Variants in DAB1 observed in about 807,000 individuals in gnomAD.
DAB1 encodes DAB adaptor protein 1.
DAB1 carries 15 observed loss-of-function variants against 64.6 expected under a neutral mutation model. The observed-to-expected ratio is 0.23, with a 90% CI of 0.16 to 0.36. The LOEUF is 0.36. Ranked by LOEUF, DAB1 falls within the 10% of genes least tolerant of loss-of-function variation. The pLI, the probability that DAB1 is intolerant of heterozygous loss-of-function variation, is 1.00. For missense variants in DAB1, 596 were observed against 706.7 expected, an observed-to-expected ratio of 0.84 and a Z score of 1.78; for synonymous variants, 235 against 251.9, an observed-to-expected ratio of 0.93 and a Z score of 0.64.
At chr1:57,135,060 A>G (rs1212555519) in intron 4 of DAB1, among the ~76,000 whole-genome samples, 1 of 152,232 alleles carries the variant, frequency 6.6e-6, no homozygotes, top group African/African-American at 2.4e-5. Context: ...GAGGTACTCA[A>G]TAATGCGAGT....
At chr1:57,762,153 T>C (rs569144888) in intron 6 of DAB1, among the ~76,000 whole-genome samples, 13 of 152,308 alleles carry the variant, frequency 8.5e-5, no homozygotes, top group Admixed American at 7.8e-4. Context: ...CAAATGAATT[T>C]TAAAAAGTAA....
intron 2 of DAB1, among the ~76,000 whole-genome samples, chr1:57,167,083 G>T (rs1027482658): frequency 1.3e-5 from 2 of 152,132 alleles, no homozygotes; most frequent in Non-Finnish European, 2.9e-5. Context: ...AATTCACTCT[G>T]GTTGAAGTGA....
rs534855241 is a variant in DAB1 at position 57,691,589 on chromosome 1, T to C, written n.552-41924A>G. Among the ~76,000 whole-genome samples, 6 of 152,264 alleles carry C rather than the reference T, an allele frequency of 3.9e-5. No individual in the cohort carries two copies. The East Asian group carries it at 1.2e-3, about 29-fold the overall frequency. On this transcript the variant is annotated intron_variant and non_coding_transcript_variant, in intron 6 of 20. Transcript: ENST00000485760. ...CTGTAACATTCACTGTGAAGGTCTGTGGCTTCATTCTTCAAGTCAGTGAGA... is the reference window on the plus strand; with the variant it reads ...CTGTAACATTCACTGTGAAGGTCTGCGGCTTCATTCTTCAAGTCAGTGAGA...
At chr1:57,502,507 T>G (rs1420215816) in intron 7 of DAB1, among the ~76,000 whole-genome samples, 1 of 152,134 alleles carries the variant, frequency 6.6e-6, no homozygotes, top group Admixed American at 6.5e-5. Context: ...TTACCCTTAT[T>G]TATTTGTTTG....
At chr1:57,201,218 T>C (rs1665071530) in intron 2 of DAB1, among the ~76,000 whole-genome samples, 1 of 151,988 alleles carries the variant, frequency 6.6e-6, no homozygotes, top group Admixed American at 6.6e-5. Flanking sequence ...TCCTGGCACA[T>C]AGTAGGCAGC....
chr1:58,137,695 C>T (rs565319137), intron 5 of DAB1, among the ~76,000 whole-genome samples: 6 of 152,208 alleles, frequency 3.9e-5, no homozygotes, highest in Non-Finnish European at 7.3e-5. Context: ...AAGCCAGATC[C>T]TGAAGACTCT....
At chr1:57,069,596 C>T (rs1651260223) in intron 7 of DAB1, among the ~76,000 whole-genome samples, 171 bp from the exon 8 acceptor site, 1 of 152,200 alleles carries the variant, frequency 6.6e-6, no homozygotes, top group Non-Finnish European at 1.5e-5. Context: ...CTTGTACATT[C>T]CTGCCTTTCA....
chr1:58,511,607 T>G (rs1158023879), intron 2 of DAB1, among the ~76,000 whole-genome samples: 1 of 151,890 alleles, frequency 6.6e-6, no homozygotes, highest in African/African-American at 2.4e-5. Context: ...CTAGCCTGGG[T>G]AACAGAGCAA....
chr1:57,022,784 T>C (rs1646661898), intron 11 of DAB1, among the ~76,000 whole-genome samples: 1 of 152,240 alleles, frequency 6.6e-6, no homozygotes, highest in Non-Finnish European at 1.5e-5. Flanking sequence ...ACAAAACCCT[T>C]TAAGGCTCCC....
At chr1:57,762,941 G>A (rs144203492) in intron 6 of DAB1, among the ~76,000 whole-genome samples, 189 of 152,308 alleles carry the variant, frequency 1.2e-3, no homozygotes, top group African/African-American at 4.2e-3. Context: ...AGGCCCTGAC[G>A]TAGACGTCAG....
intron 4 of DAB1, among the ~76,000 whole-genome samples, chr1:57,127,465 C>A (rs1248033392): frequency 1.3e-5 from 2 of 152,170 alleles, no homozygotes; most frequent in African/African-American, 4.8e-5. Context: ...CCTTGCCTCG[C>A]TTTTTTCCTT....
intron 1 of DAB1, among the ~76,000 whole-genome samples, chr1:57,296,509 G>C (rs892801898): frequency 6.6e-6 from 1 of 152,022 alleles, no homozygotes; most frequent in East Asian, 1.9e-4. Flanking sequence ...TACAAAATGA[G>C]CCTGAAATAT....
At chr1:57,223,314 A>G (rs1165731993) in intron 2 of DAB1, among the ~76,000 whole-genome samples, 1 of 152,218 alleles carries the variant, frequency 6.6e-6, no homozygotes, top group Non-Finnish European at 1.5e-5. Flanking sequence ...TTTTAAAAGA[A>G]GAGGGTGCTT....
At chr1:57,078,710 C>A (rs1652210311) in intron 4 of DAB1, among the ~76,000 whole-genome samples, 1 of 152,100 alleles carries the variant, frequency 6.6e-6, no homozygotes, top group Admixed American at 6.5e-5. Flanking sequence ...TACCTGTCAG[C>A]CATTATAGGT....
At chr1:58,208,926 T>C (rs1658415810) in intron 4 of DAB1, among the ~76,000 whole-genome samples, 1 of 152,092 alleles carries the variant, frequency 6.6e-6, no homozygotes, top group South Asian at 2.1e-4. Flanking sequence ...AAACGACTCA[T>C]TAAAGCAAAA....
intron 2 of DAB1, among the ~76,000 whole-genome samples, chr1:57,273,074 C>T (rs1671141907): frequency 6.6e-6 from 1 of 152,156 alleles, no homozygotes; most frequent in Non-Finnish European, 1.5e-5. Context: ...CTTCTATTTG[C>T]ACCACCTTTT....
chr1:57,489,455 CT>C (rs1644134948), intron 7 of DAB1, among the ~76,000 whole-genome samples: 1 of 152,162 alleles, frequency 6.6e-6, no homozygotes, highest in African/African-American at 2.4e-5. Context: ...ACAGATTGGT[CT>C]TTAAAACTGT....
At position 57,361,581 on chromosome 1, in the gene DAB1, C is replaced by CT. The variant is rs573522423; in HGVS notation, c.-137+62348dup. Reference sequence around the variant, plus strand: ...CTCCATTGTCGGGTTTGCCATGAGACTTTTTTTTTTCCTTTGGCCACTGGA... The same window carrying CT: ...CTCCATTGTCGGGTTTGCCATGAGACTTTTTTTTTTTCCTTTGGCCACTGGA... On this transcript the variant is annotated intron_variant, in intron 1 of 14. Coordinates refer to ENST00000371236, the MANE Select transcript of DAB1 (RefSeq NM_001365792.1). 6.0e-5 allele frequency among the ~76,000 whole-genome samples: 9 copies of CT among 149,712 alleles called. No individual in the cohort carries two copies. The South Asian group carries it at 6.3e-4, about 11-fold the overall frequency.
chr1:57,343,901 G>A (rs1477332197), intron 1 of DAB1, among the ~76,000 whole-genome samples: 2 of 152,234 alleles, frequency 1.3e-5, no homozygotes, highest in African/African-American at 2.4e-5. Flanking sequence ...GGCCAGAGTG[G>A]GCGCCAAGGC....
Sources: allele counts gnomAD v4.1 joint callset (sites outside exome capture counted in the v4.1 genomes callset), GRCh38; gene constraint gnomAD v4.1.1; transcripts MANE v1.5; gene names NCBI Gene and HGNC (gene_info 2026-07-23, HGNC 2026-07-21).